Variants in CEP63 observed in about 807,000 individuals in gnomAD.
The protein encoded by CEP63 is centrosomal protein 63, also known as centrosomal protein of 63 kDa.
Under a neutral mutation model 89.1 loss-of-function variants are expected in CEP63, and 84 were observed. The observed-to-expected ratio is 0.94, with a 90% CI of 0.79 to 1.13. CEP63 has a LOEUF of 1.13. Among genes scored for constraint, CEP63 ranks in the 50% most tolerant of loss-of-function variants. The pLI is 0.00. For synonymous variants in CEP63, 267 were observed against 272.5 expected (o/e 0.98, Z 0.20); for missense variants, 838 against 813.3 (o/e 1.03, Z -0.37).
At chr3:134,637,137 T>C in the CEP63 span, among the ~76,000 whole-genome samples, 1 of 152,252 alleles carries the variant, frequency 6.6e-6, no homozygotes, top group South Asian at 2.1e-4. Flanking sequence ...AACATTCATT[T>C]TGAAGTGTAG....
At chr3:134,555,268 G>T (rs897752029) in intron 12 of CEP63, among the ~76,000 whole-genome samples, 1 of 152,078 alleles carries the variant, frequency 6.6e-6, no homozygotes, top group Non-Finnish European at 1.5e-5. Context: ...GGAAGTTCTG[G>T]CCAGGGCAAT....
At chr3:134,652,695 T>C in the CEP63 span, among the ~76,000 whole-genome samples, 1 of 151,968 alleles carries the variant, frequency 6.6e-6, no homozygotes, top group Non-Finnish European at 1.5e-5. Flanking sequence ...TAACACTTAC[T>C]CTCTATGTGG....
Position 134,495,278 on chromosome 3 carries a change from T to A in CEP63, c.-25-18T>A. ...AAGAAATGAATTGTCTCATGACTGA[T>A]ATTTTTTTCTTTGTCAGTTGCCAAA... On this transcript the variant is annotated intron_variant, in intron 1 of 14. Transcript: ENST00000675561. The A allele has an allele frequency of 6.4e-7, 1 of 1,568,132 alleles. No homozygotes were observed. The highest frequency in any genetic ancestry group is 1.1e-5 in the South Asian group (1 of 90,098).
At chr3:134,738,977 A>AC in the CEP63 span, among the ~76,000 whole-genome samples, 22 of 152,040 alleles carry the variant, frequency 1.4e-4, no homozygotes, top group Admixed American at 9.2e-4. Flanking sequence ...AAAAAAAAAA[A>AC]AAACCCAGAT....
chr3:134,526,859 G>A (rs912602865), intron 3 of CEP63, among the ~76,000 whole-genome samples: 1 of 151,922 alleles, frequency 6.6e-6, no homozygotes, highest in Non-Finnish European at 1.5e-5. Flanking sequence ...CTTTGTTTCT[G>A]GAAGATTTTC....
chr3:134,547,995 A>G (rs1323380829), intron 9 of CEP63, among the ~76,000 whole-genome samples: 1 of 152,028 alleles, frequency 6.6e-6, no homozygotes. Flanking sequence ...GTCTGCCCAT[A>G]CCTGTGCCTT....
chr3:134,561,608 C>T lies in CEP63; in HGVS notation c.*73C>T. On this transcript the variant is annotated 3_prime_UTR_variant, in exon 15 of 15. Coordinates refer to ENST00000675561, the MANE Select transcript of CEP63 (RefSeq NM_001353108.3). Reference sequence around the variant, plus strand: ...GTTACTGTCATCTGAAGTAGCAGCTCTTTAAAAACATGAAGAGATAAAATT... The same window carrying T: ...GTTACTGTCATCTGAAGTAGCAGCTTTTTAAAAACATGAAGAGATAAAATT... 10 of 1,550,474 alleles carry T rather than the reference C, an allele frequency of 6.4e-6. No individual in the cohort carries two copies. The highest frequency in any genetic ancestry group is 8.7e-6 in the Non-Finnish European group (10 of 1,147,504).
downstream of CEP63, among the ~76,000 whole-genome samples, chr3:134,567,926 G>A (rs1957852089): frequency 6.6e-6 from 1 of 152,206 alleles, no homozygotes; most frequent in Admixed American, 6.5e-5. Context: ...CCACTGATGT[G>A]GAATATGAGC....
chr3:134,510,621 G>A, intron 3 of CEP63: 1 of 659,002 alleles, frequency 1.5e-6, no homozygotes, highest in Non-Finnish European at 2.8e-6. Context: ...GAAATTGGGA[G>A]GCGGGAAGCA....
the CEP63 span, among the ~76,000 whole-genome samples, chr3:134,679,482 C>T: frequency 6.6e-6 from 1 of 152,186 alleles, no homozygotes; most frequent in Non-Finnish European, 1.5e-5. Flanking sequence ...CAGCACATCT[C>T]ACTGCAGAAC....
the CEP63 span, among the ~76,000 whole-genome samples, chr3:134,609,659 C>T: frequency 6.6e-5 from 10 of 152,294 alleles, no homozygotes; most frequent in East Asian, 7.7e-4. Context: ...CTCTGCACCC[C>T]GGCTGCCCTG....
At chr3:134,731,057 T>C in the CEP63 span, among the ~76,000 whole-genome samples, 1 of 152,162 alleles carries the variant, frequency 6.6e-6, no homozygotes, top group Admixed American at 6.5e-5. Context: ...ATCTTCAATT[T>C]ACTAGAAAGA....
chr3:134,723,853 T>C, the CEP63 span, among the ~76,000 whole-genome samples: 4 of 152,156 alleles, frequency 2.6e-5, no homozygotes, highest in African/African-American at 9.7e-5. Flanking sequence ...TAAGATGCAT[T>C]TCCTCCACAA....
intron 2 of CEP63, among the ~76,000 whole-genome samples, chr3:134,499,101 T>C (rs753450960): frequency 4.6e-5 from 7 of 152,242 alleles, no homozygotes; most frequent in Non-Finnish European, 8.8e-5. Context: ...TGGAATACTT[T>C]GAGAAGAATT....
the CEP63 span, among the ~76,000 whole-genome samples, chr3:134,777,075 A>G: frequency 6.6e-6 from 1 of 152,362 alleles, no homozygotes; most frequent in East Asian, 1.9e-4. Context: ...AAAAGGAAAG[A>G]AGTGACAAAC....
intron 10 of CEP63, among the ~76,000 whole-genome samples, chr3:134,582,334 C>A (rs1199725023): frequency 2.0e-5 from 3 of 152,038 alleles, no homozygotes; most frequent in Non-Finnish European, 4.4e-5. Flanking sequence ...CCCCCAGTCC[C>A]CCATTCCCCT....
chr3:134,655,242 T>C, the CEP63 span, among the ~76,000 whole-genome samples: 8 of 152,204 alleles, frequency 5.3e-5, no homozygotes, highest in African/African-American at 1.9e-4. Context: ...AGATGGAGTA[T>C]AGAAGGAACC....
chr3:134,494,198 C>T (rs1938867482), intron 1 of CEP63, among the ~76,000 whole-genome samples: 1 of 151,398 alleles, frequency 6.6e-6, no homozygotes, highest in African/African-American at 2.4e-5. Flanking sequence ...TCACTGCAAC[C>T]TCCGCCTCCC....
the CEP63 span, chr3:134,628,083 T>G: frequency 1.9e-6 from 1 of 530,400 alleles, no homozygotes; most frequent in Non-Finnish European, 3.4e-6. Context: ...GTATTTGCTC[T>G]GACCTAACAC....
Sources: gnomAD v4.1 joint callset for allele counts (sites outside exome capture counted in the v4.1 genomes callset) on GRCh38, gnomAD v4.1.1 for gene constraint, MANE v1.5 for transcripts, NCBI Gene and HGNC (gene_info 2026-07-23, HGNC 2026-07-21) for gene names.